Variants in STXBP5 observed in about 807,000 individuals in gnomAD.
The protein encoded by STXBP5 is syntaxin-binding protein 5.
A neutral mutation model predicts 152.4 loss-of-function variants in STXBP5; 50 were observed. That is an observed-to-expected ratio of 0.33 (90% CI 0.26 to 0.42). The LOEUF (loss-of-function observed/expected upper bound fraction) is 0.42, where lower values mean the gene tolerates loss of function less well. STXBP5 is among the 10% of genes least tolerant of loss of function. The probability of loss-of-function intolerance (pLI) is 1.00; values close to 1 mark genes in which losing one functional copy is unlikely to be tolerated. For missense variants in STXBP5, 1,167 were observed against 1,388.6 expected (o/e 0.84, Z 2.54); for synonymous variants, 492 against 494.7 (o/e 0.99, Z 0.07).
intron 1 of STXBP5, among the ~76,000 whole-genome samples, chr6:147,205,748 C>A (rs1776518425): frequency 6.6e-6 from 1 of 152,030 alleles, no homozygotes; most frequent in African/African-American, 2.4e-5. Flanking sequence ...TATGGAAAAG[C>A]GAAATTAAAG....
At chr6:147,275,490 A>ATT (rs1445843337) in intron 7 of STXBP5, among the ~76,000 whole-genome samples, 1 of 145,486 alleles carries the variant, frequency 6.9e-6, no homozygotes, top group African/African-American at 2.6e-5. Flanking sequence ...TCTTTCTAAC[A>ATT]TGATCCTGTT....
At chr6:147,213,327 C>T (rs1435670743) in intron 2 of STXBP5, among the ~76,000 whole-genome samples, 1 of 150,262 alleles carries the variant, frequency 6.7e-6, no homozygotes, top group Non-Finnish European at 1.5e-5. Context: ...AATCACAGCT[C>T]GCTGCAGCCT....
At chr6:147,338,318 A>G (rs1783930291) in intron 19 of STXBP5, among the ~76,000 whole-genome samples, 1 of 152,060 alleles carries the variant, frequency 6.6e-6, no homozygotes, top group African/African-American at 2.4e-5. Context: ...TATGAGAAAT[A>G]TATAGATAAA....
intron 2 of STXBP5, 123 bp from the exon 3 acceptor site, chr6:147,235,127 A>G (rs1379330300): frequency 4.1e-6 from 3 of 723,888 alleles, no homozygotes; most frequent in Non-Finnish European, 6.8e-6. Context: ...TCTAAATCTC[A>G]ACTTCAGTAA....
intron 26 of STXBP5, among the ~76,000 whole-genome samples, chr6:147,376,546 G>C (rs9497763): frequency 6.6e-6 from 1 of 152,098 alleles, no homozygotes; most frequent in African/African-American, 2.4e-5. Flanking sequence ...GGCCAGCGTC[G>C]AGTCTCACAC....
At chr6:147,212,437 C>A (rs1776905654) in intron 2 of STXBP5, among the ~76,000 whole-genome samples, 1 of 152,174 alleles carries the variant, frequency 6.6e-6, no homozygotes, top group Non-Finnish European at 1.5e-5. Context: ...TTAGGAGATT[C>A]TTGTTCCAAT....
chr6:147,318,896 C>T (rs1782774530), intron 16 of STXBP5, among the ~76,000 whole-genome samples: 1 of 151,998 alleles, frequency 6.6e-6, no homozygotes, highest in African/African-American at 2.4e-5. Flanking sequence ...TTTTTATAGG[C>T]AATTTGTTTT....
At chr6:147,356,444 A>G (rs1255056618) in intron 22 of STXBP5, among the ~76,000 whole-genome samples, 1 of 151,832 alleles carries the variant, frequency 6.6e-6, no homozygotes, top group Admixed American at 6.6e-5. Context: ...TTTGGAAACC[A>G]TAAAGAGTTA....
At chr6:147,356,529 A>C (rs1320384491) in intron 22 of STXBP5, among the ~76,000 whole-genome samples, 1 of 151,844 alleles carries the variant, frequency 6.6e-6, no homozygotes, top group Non-Finnish European at 1.5e-5. Context: ...ATTTATAGTA[A>C]GTAGTTCTTT....
At chr6:147,313,840 A>C (rs1782503482) in intron 11 of STXBP5, 44 bp from the exon 12 acceptor site, 10 of 1,274,876 alleles carry the variant, frequency 7.8e-6, no homozygotes, top group Non-Finnish European at 1.1e-5. Flanking sequence ...CATATGGTAT[A>C]ATTCATTAAA....
chr6:147,273,032 AT>A (rs888438663), intron 7 of STXBP5, among the ~76,000 whole-genome samples: 3 of 151,576 alleles, frequency 2.0e-5, no homozygotes, highest in Non-Finnish European at 2.9e-5. Flanking sequence ...TGGACATTCC[AT>A]TTTTTTTAGG....
At chr6:147,333,316 G>A (rs1010316885) in intron 18 of STXBP5, among the ~76,000 whole-genome samples, 10 of 152,218 alleles carry the variant, frequency 6.6e-5, no homozygotes, top group African/African-American at 1.2e-4. Context: ...GAAGTCAGGA[G>A]TTCCAGACCA....
At position 147,339,229 on chromosome 6, in the gene STXBP5, A is replaced by T. The variant is rs558583326; in HGVS notation, c.2197A>T (p.Ile733Leu). 3.3e-6 allele frequency: 5 copies of T among 1,537,556 alleles called. No individual in the cohort carries two copies. The highest frequency in any genetic ancestry group is 4.4e-6 in the Non-Finnish European group (5 of 1,141,870). ...TGATGAACAAAAAATGAATAATTTTATAGAAAAGGGTATAGTATCTTGATT... is the reference window on the plus strand; with the variant it reads ...TGATGAACAAAAAATGAATAATTTTTTAGAAAAGGGTATAGTATCTTGATT... ...SDDEQKMNNF[I>L]EKVKTKSRKF... Residue 733 changes from isoleucine to leucine, a missense_variant, in exon 20 of 28, where the codon ATA becomes TTA. This residue lies in a region of STXBP5 where 833 missense variants were observed against 986.3 expected (regional missense o/e 0.84). Transcript: ENST00000321680.
chr6:147,346,334 G>A (rs951834233), intron 21 of STXBP5, among the ~76,000 whole-genome samples: 6 of 152,120 alleles, frequency 3.9e-5, no homozygotes, highest in Non-Finnish European at 5.9e-5. Flanking sequence ...CAGGAGGACC[G>A]ACTGACTAGA....
intron 27 of STXBP5, among the ~76,000 whole-genome samples, chr6:147,384,303 A>G (rs937350688): frequency 6.6e-6 from 1 of 152,144 alleles, no homozygotes; most frequent in African/African-American, 2.4e-5. Context: ...ACTGAAATCA[A>G]GTAGGAAAAG....
rs1781385433 is a variant in STXBP5, at chr6:147,293,685, G to T, written c.917+2513G>T. Among the ~76,000 whole-genome samples, 3 of 152,162 alleles carry T rather than the reference G, an allele frequency of 2.0e-5. No individual in the cohort carries two copies. In the South Asian group the frequency reaches 6.2e-4, roughly 32 times the overall value. On this transcript the variant is annotated intron_variant, in intron 9 of 27. Transcript: ENST00000321680. ...AGGTGGATTCCCTACCATCTTTTGT[G>T]GCTCAGCAAAAATATGCAACCTTAA...
chr6:147,212,037 C>T (rs1196160922), intron 2 of STXBP5, among the ~76,000 whole-genome samples: 2 of 152,184 alleles, frequency 1.3e-5, no homozygotes, highest in Non-Finnish European at 2.9e-5. Context: ...GCTCCTCATT[C>T]AAGAGGACAT....
chr6:147,301,232 T>C (rs1268734673), intron 9 of STXBP5, among the ~76,000 whole-genome samples: 1 of 152,138 alleles, frequency 6.6e-6, no homozygotes, highest in African/African-American at 2.4e-5. Flanking sequence ...TTGAAAATCA[T>C]ATGGAGGTTC....
intron 19 of STXBP5, among the ~76,000 whole-genome samples, chr6:147,338,558 G>C (rs1019633177): frequency 6.6e-6 from 1 of 151,574 alleles, no homozygotes; most frequent in Admixed American, 6.6e-5. Flanking sequence ...AGAAATGTTA[G>C]GTAAGATTAT....
Sources: gnomAD v4.1 joint callset for allele counts (sites outside exome capture counted in the v4.1 genomes callset) on GRCh38, gnomAD v4.1.1 for gene constraint, gnomAD v4.1.1 regional missense constraint, MANE v1.5 for transcripts, NCBI Gene and HGNC (gene_info 2026-07-23, HGNC 2026-07-21) for gene names.